The following C17orf67 variants were observed in gnomAD, a reference collection of about 807,000 sequenced individuals.
C17orf67 encodes chromosome 17 open reading frame 67, also known as uncharacterized protein C17orf67.
In C17orf67, 12 loss-of-function variants were observed where a neutral mutation model predicts 11.2. The ratio of observed to expected loss-of-function variants is 1.07; its 90% confidence interval spans 0.68 to 1.73. C17orf67 has a LOEUF of 1.73. Ranked by LOEUF, C17orf67 falls within the 40% of genes most tolerant of loss-of-function variation. C17orf67 has a pLI of 0.00. For missense variants in C17orf67, 115 were observed against 113.5 expected (o/e 1.01, Z -0.06); for synonymous variants, 59 against 46.9 (o/e 1.26, Z -1.05).
At chr17:56,792,634 G>GTGC in intron 7 of C17orf67, among the ~76,000 whole-genome samples, 1 of 149,726 alleles carries the variant, frequency 6.7e-6, no homozygotes, top group Non-Finnish European at 1.5e-5. Flanking sequence ...TGGTGATGTG[G>GTGC]TGGTGGTGGT....
intron 7 of C17orf67, among the ~76,000 whole-genome samples, chr17:56,793,104 C>T (rs1905148347): frequency 6.6e-6 from 1 of 151,790 alleles, no homozygotes; most frequent in South Asian, 2.1e-4. Flanking sequence ...AAACACCATC[C>T]AGCTATCATT....
chr17:56,813,967 C>G (rs1905692894), intron 6 of C17orf67, among the ~76,000 whole-genome samples: 1 of 152,124 alleles, frequency 6.6e-6, no homozygotes, highest in Non-Finnish European at 1.5e-5. Context: ...AGTCTGACCC[C>G]AAAGTCAGCA....
chr17:56,828,460 T>C (rs1598001982), intron 2 of C17orf67, among the ~76,000 whole-genome samples: 1 of 152,150 alleles, frequency 6.6e-6, no homozygotes, highest in Non-Finnish European at 1.5e-5. Flanking sequence ...AATCAGAATA[T>C]GAAATGCAAC....
At chr17:56,825,967 G>GCA (rs1567800954) in intron 2 of C17orf67, among the ~76,000 whole-genome samples, 30 of 151,448 alleles carry the variant, frequency 2.0e-4, no homozygotes, top group Admixed American at 3.3e-4. Flanking sequence ...GTGTGCACGC[G>GCA]TGTGTGTGAC....
chr17:56,804,018 T>A (rs1328872763), intron 6 of C17orf67: 1 of 152,242 alleles, frequency 6.6e-6, no homozygotes, highest in Non-Finnish European at 1.5e-5. Flanking sequence ...ATCTCAAATG[T>A]TCCTGGACCA....
Position 56,795,149 on chromosome 17 carries a change from T to C in C17orf67, c.188A>G (p.His63Arg). 1.9e-6 allele frequency: 3 copies of C among 1,614,212 alleles called. No individual in the cohort carries two copies. In the South Asian group the frequency reaches 3.3e-5, roughly 18 times the overall value. ...CTCCAGGAACTGCTCCTCAGCGCGA[T>C]GCTCCAGGGCGAGCAGGTGGTGCAT... ...EYMHHLLALE[H>R]RAEEQFLEHW... The change falls in exon 7 of 8, where the codon CAT (histidine) becomes CGT (arginine). Residue 63 changes from histidine (H) to arginine (R), a missense_variant. His to Arg is a conservative substitution (Grantham distance 29). Transcript: ENST00000397861.
chr17:56,810,973 T>TGGTA (rs1358070675), intron 6 of C17orf67, among the ~76,000 whole-genome samples: 1 of 152,122 alleles, frequency 6.6e-6, no homozygotes, highest in East Asian at 1.9e-4. Context: ...GTGGGTCAAA[T>TGGTA]GGTAAGTCGA....
intron 4 of C17orf67, among the ~76,000 whole-genome samples, chr17:56,822,331 G>C (rs944013445): frequency 6.6e-6 from 1 of 152,176 alleles, no homozygotes; most frequent in Admixed American, 6.5e-5. Flanking sequence ...CTACTGTGTA[G>C]GCAGTGTGGT....
Position 56,832,997 on chromosome 17 carries a change from T to A in C17orf67, c.-656A>T, listed in dbSNP as rs1368206689. 1 of 152,290 alleles carries A rather than the reference T, an allele frequency of 6.6e-6. No individual in the cohort carries two copies. The highest frequency in any genetic ancestry group is 1.5e-5 in the Non-Finnish European group (1 of 68,054). 9.4% of individuals were successfully genotyped at this position (152,290 alleles called of 1,614,324 possible). ...GTATTTCTTTGCAGTTTTCCTATGA[T>A]CTCTGCGTTTCTTTTCTGTTCCTTT... On this transcript the variant is annotated 5_prime_UTR_variant, in exon 2 of 8. Coordinates refer to ENST00000397861, the MANE Select transcript of C17orf67 (RefSeq NM_001085430.4).
intron 6 of C17orf67, among the ~76,000 whole-genome samples, chr17:56,804,439 T>C (rs535165589): frequency 6.6e-6 from 1 of 152,312 alleles, no homozygotes; most frequent in South Asian, 2.1e-4. Flanking sequence ...GGCTCAGAAC[T>C]TAACTGCACT....
Position 56,814,940 on chromosome 17 carries a change from C to A in C17orf67, c.85G>T (p.Ala29Ser). The A allele has an allele frequency of 6.2e-7, 1 of 1,614,076 alleles. No individual in the cohort carries two copies. The highest frequency in any genetic ancestry group is 8.5e-7 in the Non-Finnish European group (1 of 1,179,988). ...ETSPILTEKQAKQLLRSRRQD... is the reference protein window; with the variant it reads ...ETSPILTEKQSKQLLRSRRQD... ...CGCCGAGATCTTAGGAGCTGTTTGG[C>A]CTGCTTCTCTGTCAAAATCGGGGAG... The change falls in exon 6 of 8, where the codon GCC (alanine) becomes TCC (serine). Residue 29 changes from alanine to serine, a missense_variant. Transcript: ENST00000397861.
chr17:56,809,718 C>G (rs904951125), intron 6 of C17orf67, among the ~76,000 whole-genome samples: 1 of 146,358 alleles, frequency 6.8e-6, no homozygotes, highest in African/African-American at 2.5e-5. Context: ...ACTCCTCACA[C>G]ATACACCCTC....
intron 2 of C17orf67, among the ~76,000 whole-genome samples, chr17:56,831,823 C>G (rs1906211511): frequency 6.6e-6 from 1 of 152,178 alleles, no homozygotes; most frequent in Non-Finnish European, 1.5e-5. Context: ...CAAGCTCTAG[C>G]CAGGCTTCCC....
chr17:56,806,582 T>C (rs1386270992), intron 6 of C17orf67, among the ~76,000 whole-genome samples: 3 of 152,068 alleles, frequency 2.0e-5, no homozygotes, highest in Non-Finnish European at 4.4e-5. Context: ...CAGGTTGGAG[T>C]GCAGCAATCA....
chr17:56,830,214 G>A (rs59220674), intron 2 of C17orf67, among the ~76,000 whole-genome samples: 6,415 of 151,828 alleles, frequency 0.042, 414 homozygotes, highest in African/African-American at 0.15. Flanking sequence ...GCGTGGTGGC[G>A]GGCACCTGTA....
chr17:56,813,089 G>A (rs1438764792), intron 6 of C17orf67, among the ~76,000 whole-genome samples: 1 of 152,166 alleles, frequency 6.6e-6, no homozygotes, highest in Non-Finnish European at 1.5e-5. Context: ...CCTTGAGCAG[G>A]AGCCACTGCT....
At chr17:56,811,938 G>T (rs182631940) in intron 6 of C17orf67, among the ~76,000 whole-genome samples, 19 of 152,154 alleles carry the variant, frequency 1.2e-4, no homozygotes, top group African/African-American at 4.6e-4. Flanking sequence ...TCTCAGCCTC[G>T]GCTGCAGGTT....
chr17:56,809,903 AC>A (rs553571543), intron 6 of C17orf67, among the ~76,000 whole-genome samples: 9 of 115,222 alleles, frequency 7.8e-5, no homozygotes, highest in African/African-American at 1.7e-4. Context: ...CCTTACACAC[AC>A]CCTTACACAC....
chr17:56,829,430 G>A (rs1598002843), intron 2 of C17orf67, among the ~76,000 whole-genome samples: 1 of 152,344 alleles, frequency 6.6e-6, no homozygotes, highest in African/African-American at 2.4e-5. Flanking sequence ...CCCTGGAAGA[G>A]GCCATGGGAG....
Sources: gnomAD v4.1 joint callset for allele counts (sites outside exome capture counted in the v4.1 genomes callset) on GRCh38, gnomAD v4.1.1 for gene constraint, MANE v1.5 for transcripts, NCBI Gene and HGNC (gene_info 2026-07-23, HGNC 2026-07-21) for gene names.